SYNE1: variants seen among roughly 807,000 people sequenced by gnomAD.
SYNE1 encodes spectrin repeat containing nuclear envelope protein 1.
In SYNE1, 616 loss-of-function variants were observed where a neutral mutation model predicts 1,111.0. That is an observed-to-expected ratio of 0.55 (90% CI 0.52 to 0.59). The LOEUF (loss-of-function observed/expected upper bound fraction) is 0.59. Among genes scored for constraint, SYNE1 ranks in the 20% least tolerant of loss-of-function variants. SYNE1 has a pLI of 0.00. For missense variants in SYNE1, 10,006 were observed against 10,417.0 expected (o/e 0.96, Z 1.72); for synonymous variants, 3,855 against 3,825.8 (o/e 1.01, Z -0.28).
In SYNE1 at chr6:152,579,491, C is replaced by T. The variant is rs140525996; in HGVS notation, c.68-39470G>A. Among the ~76,000 whole-genome samples the T allele has an allele frequency of 5.1e-3, 784 of 152,270 alleles. 3 individuals carry two copies. The highest frequency in any genetic ancestry group is 0.012 in the Admixed American group (177 of 15,286). On this transcript the variant is annotated intron_variant, in intron 3 of 145. Transcript: ENST00000367255. ...ATTCCAGCCACCAGCATTTTCTTTT[C>T]CTTTCTTATTGTGTCACTTTTTTTT...
intron 66 of SYNE1, among the ~76,000 whole-genome samples, chr6:152,355,652 A>G (rs2096823982): frequency 6.6e-6 from 1 of 152,184 alleles, no homozygotes; most frequent in Non-Finnish European, 1.5e-5. Context: ...GACAAAAAGA[A>G]TCTTATATCC....
At chr6:152,595,333 T>C (rs2099577913) in intron 3 of SYNE1, among the ~76,000 whole-genome samples, 1 of 152,236 alleles carries the variant, frequency 6.6e-6, no homozygotes. Context: ...CACAACTGCT[T>C]GATTTCACAC....
intron 3 of SYNE1, among the ~76,000 whole-genome samples, chr6:152,581,831 T>A (rs1177399307): frequency 6.6e-6 from 1 of 152,138 alleles, no homozygotes; most frequent in Admixed American, 6.5e-5. Context: ...CCCTGCTGAT[T>A]CTTATGCATC....
intron 3 of SYNE1, among the ~76,000 whole-genome samples, chr6:152,556,615 A>G (rs751416479): frequency 6.6e-5 from 10 of 152,130 alleles, no homozygotes; most frequent in Non-Finnish European, 1.0e-4. Flanking sequence ...GCCCACCACA[A>G]TGGACCATAG....
intron 53 of SYNE1, among the ~76,000 whole-genome samples, chr6:152,389,154 T>C (rs1324459452): frequency 1.3e-5 from 2 of 152,336 alleles, no homozygotes; most frequent in East Asian, 3.9e-4. Context: ...ATAACTGTAG[T>C]GTTATTTTTG....
At chr6:152,326,152 C>T (rs1395776209) in intron 79 of SYNE1, 50 bp from the exon 80 acceptor site, 1 of 1,613,862 alleles carries the variant, frequency 6.2e-7, no homozygotes, top group Non-Finnish European at 8.5e-7. Context: ...TCACGTATTT[C>T]TACACGAAGC....
chr6:152,356,428 AT>A (rs997042214), intron 66 of SYNE1, among the ~76,000 whole-genome samples: 3 of 148,896 alleles, frequency 2.0e-5, no homozygotes, highest in African/African-American at 7.3e-5. Flanking sequence ...GAAGGAAAAA[AT>A]AGTTCAATAT....
At chr6:152,601,850 A>G (rs1181693935) in intron 3 of SYNE1, among the ~76,000 whole-genome samples, 1 of 152,188 alleles carries the variant, frequency 6.6e-6, no homozygotes. Flanking sequence ...CTGATTCCAT[A>G]TACTCAGAAG....
rs148075609 is a variant in SYNE1, at chr6:152,190,283, G to T, written c.23146-876C>A. On this transcript the variant is annotated intron_variant, in intron 127 of 145. Coordinates refer to ENST00000367255, the MANE Select transcript of SYNE1 (RefSeq NM_182961.4). Reference sequence around the variant, plus strand: ...TCTTCAGGCTCCATCTCTAACTCTAGTCCTCTTGATGTTTCCACCTCATCT... The same window carrying T: ...TCTTCAGGCTCCATCTCTAACTCTATTCCTCTTGATGTTTCCACCTCATCT... 3.1e-3 allele frequency among the ~76,000 whole-genome samples: 467 copies of T among 152,144 alleles called. 3 individuals are homozygous for T. The highest frequency in any genetic ancestry group is 0.011 in the African/African-American group (447 of 41,484).
rs751473860 is a variant in SYNE1, at chr6:152,321,806, T to C, written c.15998A>G (p.Asn5333Ser). Residue 5333 changes from asparagine (N) to serine (S), a missense_variant, in exon 83 of 146, where the codon AAT becomes AGT. By Grantham distance (46) the Asn-to-Ser change is conservative. Coordinates refer to ENST00000367255, the MANE Select transcript of SYNE1 (RefSeq NM_182961.4). Reference protein sequence around the residue: ...KDREMVETQINSVKCWVQETK... With the variant: ...KDREMVETQISSVKCWVQETK... ...TTCCTGAACCCAACATTTCACAGAA[T>C]TGATCTGAGTCTCCACCATTTCTCG... 3.1e-6 allele frequency: 5 copies of C among 1,613,938 alleles called. No homozygotes were observed. The highest frequency in any genetic ancestry group is 1.7e-5 in the Admixed American group (1 of 60,000).
chr6:152,300,553 A>T, intron 93 of SYNE1, 88 bp downstream of exon 93: 1 of 1,587,730 alleles, frequency 6.3e-7, no homozygotes. Context: ...AAAGTCTGAG[A>T]TTCATACCCA....
At position 152,233,902 on chromosome 6, in the gene SYNE1, T is replaced by A; in HGVS notation, c.20591A>T (p.Asn6864Ile). The change falls in exon 112 of 146, where the codon AAT becomes ATT. Residue 6864 changes from asparagine (N) to isoleucine (I), a missense_variant. This residue lies in a region of SYNE1 where 2,182 missense variants were observed against 2,287.8 expected (regional missense o/e 0.95). Coordinates refer to ENST00000367255, the MANE Select transcript of SYNE1 (RefSeq NM_182961.4). ...CACCTTTTTTAGTCGAAGGAGCTGATTTCCAGTACTCAGAACAGATGATTT... is the reference window on the plus strand; with the variant it reads ...CACCTTTTTTAGTCGAAGGAGCTGAATTCCAGTACTCAGAACAGATGATTT... ...SLKSSVLSTGNQLLRLKKVDT... is the reference protein window; with the variant it reads ...SLKSSVLSTGIQLLRLKKVDT... 6.2e-7 allele frequency: 1 copy of A among 1,614,184 alleles called. No individual in the cohort carries two copies. The highest frequency in any genetic ancestry group is 8.5e-7 in the Non-Finnish European group (1 of 1,180,030).
intron 10 of SYNE1, 32 bp downstream of exon 10, chr6:152,502,601 A>T (rs1270781953): frequency 1.4e-6 from 2 of 1,479,018 alleles, no homozygotes; most frequent in Non-Finnish European, 1.9e-6. Context: ...CATTGCATAT[A>T]CCAGTGATAC....
intron 3 of SYNE1, among the ~76,000 whole-genome samples, chr6:152,617,744 T>A (rs952156854): frequency 6.6e-6 from 1 of 152,158 alleles, no homozygotes; most frequent in Non-Finnish European, 1.5e-5. Flanking sequence ...ATGTTCAAAG[T>A]AGAGTACAAA....
At chr6:152,269,407 GA>G in intron 98 of SYNE1, 121 bp from the exon 99 acceptor site, 1 of 1,439,596 alleles carries the variant, frequency 6.9e-7, no homozygotes, top group Non-Finnish European at 9.4e-7. Flanking sequence ...ACTGGGATGT[GA>G]AACCACATTT....
intron 137 of SYNE1, 112 bp from the exon 138 acceptor site, chr6:152,143,877 G>T: frequency 6.7e-7 from 1 of 1,496,260 alleles, no homozygotes; most frequent in Non-Finnish European, 9.2e-7. Flanking sequence ...CATAGAAATG[G>T]CAGGTGTGGG....
At chr6:152,192,865 C>G (rs1040045921) in intron 127 of SYNE1, among the ~76,000 whole-genome samples, 25 of 151,926 alleles carry the variant, frequency 1.6e-4, no homozygotes, top group African/African-American at 5.8e-4. Context: ...CCTATTTTGT[C>G]TGATATAAGT....
Position 152,242,241 on chromosome 6 carries a change from T to A in SYNE1, c.19892A>T (p.Lys6631Met). Reference protein sequence around the residue: ...EEIQQLLDKHKEYFQGLESHM... With the variant: ...EEIQQLLDKHMEYFQGLESHM... ...CTATCACTCTTTTTTGTTATGTACCTTATGTTTGTCAAGTAGTTGCTGGAT... is the reference window on the plus strand; with the variant it reads ...CTATCACTCTTTTTTGTTATGTACCATATGTTTGTCAAGTAGTTGCTGGAT... Residue 6631 changes from lysine (K) to methionine (M), a missense_variant and splice_region_variant, in exon 107 of 146, where the codon AAG becomes ATG. Around this residue, in one of 7 missense-constraint regions of SYNE1, gnomAD observed 2,182 missense variants for 2,287.8 expected, o/e 0.95. Coordinates refer to ENST00000367255, the MANE Select transcript of SYNE1 (RefSeq NM_182961.4). The A allele has an allele frequency of 6.2e-7, 1 of 1,613,558 alleles. No homozygotes were observed. Among genetic ancestry groups the A allele is most frequent in the Non-Finnish European group, 8.5e-7 (1 of 1,179,504 alleles).
chr6:152,551,861 G>A (rs966239636), intron 3 of SYNE1, among the ~76,000 whole-genome samples: 2 of 152,188 alleles, frequency 1.3e-5, no homozygotes, highest in African/African-American at 4.8e-5. Context: ...GCCTTGAGAA[G>A]GACTTCAAGC....
Sources: allele counts gnomAD v4.1 joint callset (sites outside exome capture counted in the v4.1 genomes callset), GRCh38; gene constraint gnomAD v4.1.1; regional missense constraint gnomAD v4.1.1; transcripts MANE v1.5; gene names NCBI Gene and HGNC (gene_info 2026-07-23, HGNC 2026-07-21).